Variants in PPP2R5E observed in about 807,000 individuals in gnomAD.
PPP2R5E encodes the protein serine/threonine-protein phosphatase 2A 56 kDa regulatory subunit epsilon isoform.
PPP2R5E carries 4 observed loss-of-function variants against 65.3 expected under a neutral mutation model. The ratio of observed to expected loss-of-function variants is 0.06; its 90% confidence interval spans 0.03 to 0.14. PPP2R5E has a LOEUF of 0.14. Ranked by LOEUF, PPP2R5E falls within the 10% of genes least tolerant of loss-of-function variation. The probability of loss-of-function intolerance (pLI) is 1.00; values close to 1 mark genes in which losing one functional copy is unlikely to be tolerated. For missense variants in PPP2R5E, 274 were observed against 556.1 expected, an observed-to-expected ratio of 0.49 and a Z score of 5.10; for synonymous variants, 183 against 187.4, an observed-to-expected ratio of 0.98 and a Z score of 0.19.
intron 2 of PPP2R5E, among the ~76,000 whole-genome samples, chr14:63,486,439 T>C (rs1462920733): frequency 6.6e-6 from 1 of 152,208 alleles, no homozygotes; most frequent in Non-Finnish European, 1.5e-5. Context: ...CACTCTTTTC[T>C]GGTATAAGTT....
chr14:63,435,273 TA>T (rs11393934), intron 3 of PPP2R5E, among the ~76,000 whole-genome samples: 1 of 150,698 alleles, frequency 6.6e-6, no homozygotes, highest in African/African-American at 2.4e-5. Flanking sequence ...AAAGTCATAT[TA>T]AAAAAAAAGC....
At chr14:63,528,999 T>C (rs995315844) in intron 2 of PPP2R5E, among the ~76,000 whole-genome samples, 4 of 152,118 alleles carry the variant, frequency 2.6e-5, no homozygotes, top group African/African-American at 4.8e-5. Flanking sequence ...AACAGAGTAA[T>C]AGAAACTTCA....
At position 63,539,637 on chromosome 14, in the gene PPP2R5E, A is replaced by T; in HGVS notation, c.49T>A (p.Phe17Ile). ...TPPSVDKVDG[F>I]SRKSVRKARQ... The stretch of plus-strand genomic sequence containing the variant: ...GCTTTTCTGACGGACTTCCGAGAAA[A>T]TCCGTCTACTTTATCCACTGATGGA... Residue 17 changes from phenylalanine (F) to isoleucine (I), a missense_variant, in exon 2 of 14, where the codon TTT (phenylalanine) becomes ATT (isoleucine). Transcript: ENST00000337537. 6.2e-7 allele frequency: 1 copy of T among 1,614,076 alleles called. No individual in the cohort carries two copies. Among genetic ancestry groups the T allele is most frequent in the South Asian group, 1.1e-5 (1 of 91,074 alleles).
intron 1 of PPP2R5E, among the ~76,000 whole-genome samples, chr14:63,541,598 G>A (rs372191325): frequency 6.6e-5 from 10 of 152,308 alleles, no homozygotes; most frequent in African/African-American, 2.2e-4. Flanking sequence ...GCATATGGGG[G>A]AAATGCTGAA....
At chr14:63,513,272 CA>C (rs1291754309) in intron 2 of PPP2R5E, among the ~76,000 whole-genome samples, 4 of 152,104 alleles carry the variant, frequency 2.6e-5, no homozygotes, top group Non-Finnish European at 4.4e-5. Context: ...CTGGTGTATT[CA>C]AAATACACAC....
At chr14:63,436,346 C>A (rs1039158852) in intron 3 of PPP2R5E, among the ~76,000 whole-genome samples, 1 of 152,180 alleles carries the variant, frequency 6.6e-6, no homozygotes, top group Non-Finnish European at 1.5e-5. Flanking sequence ...TTTGAGGCTC[C>A]TGATGTGTGT....
intron 2 of PPP2R5E, among the ~76,000 whole-genome samples, chr14:63,515,571 C>T (rs2139708273): frequency 6.6e-6 from 1 of 152,062 alleles, no homozygotes; most frequent in African/African-American, 2.4e-5. Flanking sequence ...CACTCTGTAG[C>T]CCAGACTGGT....
intron 13 of PPP2R5E, among the ~76,000 whole-genome samples, chr14:63,378,698 C>T (rs117441343): frequency 0.013 from 2,016 of 152,330 alleles, 20 homozygotes; most frequent in Non-Finnish European, 0.021. Context: ...CTTAACCACA[C>T]TGTCATGCAG....
At chr14:63,402,402 T>G (rs1208738706) in intron 5 of PPP2R5E, among the ~76,000 whole-genome samples, 5 of 152,184 alleles carry the variant, frequency 3.3e-5, no homozygotes, top group Non-Finnish European at 5.9e-5. Flanking sequence ...TAGACTAACA[T>G]GTAATTATGA....
chr14:63,448,464 A>G (rs1404340934), intron 3 of PPP2R5E, among the ~76,000 whole-genome samples: 2 of 152,040 alleles, frequency 1.3e-5, no homozygotes, highest in Non-Finnish European at 2.9e-5. Flanking sequence ...AAAAAATGGT[A>G]CCAACAGTTT....
intron 13 of PPP2R5E, among the ~76,000 whole-genome samples, chr14:63,381,629 T>A (rs1438791720): frequency 6.6e-6 from 1 of 152,192 alleles, no homozygotes; most frequent in Admixed American, 6.5e-5. Flanking sequence ...AAAATGAATA[T>A]ATAAATACAG....
intron 3 of PPP2R5E, among the ~76,000 whole-genome samples, chr14:63,435,693 T>C (rs1308921632): frequency 1.3e-5 from 2 of 152,240 alleles, no homozygotes; most frequent in Non-Finnish European, 2.9e-5. Flanking sequence ...TCCACCTTAC[T>C]GCCCACAAAT....
chr14:63,411,658 TAA>T (rs766263301), intron 5 of PPP2R5E, among the ~76,000 whole-genome samples: 20 of 93,100 alleles, frequency 2.1e-4, no homozygotes, highest in African/African-American at 2.6e-4. Context: ...TGTGGTTGTT[TAA>T]AAAAAAAAAA....
chr14:63,377,428 T>C (rs573725848), intron 13 of PPP2R5E, among the ~76,000 whole-genome samples: 11 of 152,238 alleles, frequency 7.2e-5, no homozygotes, highest in South Asian at 2.1e-4. Flanking sequence ...TCTAGAGCAA[T>C]AGAGATTAAT....
chr14:63,497,484 G>T (rs1891626866), intron 2 of PPP2R5E, among the ~76,000 whole-genome samples: 1 of 152,080 alleles, frequency 6.6e-6, no homozygotes, highest in South Asian at 2.1e-4. Flanking sequence ...CAGGTGCAGT[G>T]GCTCCCCCCT....
chr14:63,416,335 T>C (rs1886681417), intron 4 of PPP2R5E, among the ~76,000 whole-genome samples: 2 of 152,202 alleles, frequency 1.3e-5, no homozygotes, highest in South Asian at 4.1e-4. Flanking sequence ...CCATGAATAC[T>C]GGGTTGAATG....
intron 2 of PPP2R5E, among the ~76,000 whole-genome samples, chr14:63,520,129 G>A (rs1433567524): frequency 2.0e-5 from 3 of 152,170 alleles, no homozygotes; most frequent in African/African-American, 2.4e-5. Flanking sequence ...TCCGCCTCCC[G>A]GGTTCACGCC....
At chr14:63,424,516 C>T (rs1217013768) in intron 3 of PPP2R5E, among the ~76,000 whole-genome samples, 1 of 152,154 alleles carries the variant, frequency 6.6e-6, no homozygotes, top group Non-Finnish European at 1.5e-5. Context: ...CTTTGAGAGG[C>T]CGAGGCGGGC....
intron 2 of PPP2R5E, among the ~76,000 whole-genome samples, chr14:63,521,929 T>C (rs1892921402): frequency 6.7e-6 from 1 of 149,656 alleles, no homozygotes; most frequent in African/African-American, 2.5e-5. Flanking sequence ...GTTACAAAGG[T>C]TACACGCTGC....
Sources: gnomAD v4.1 joint callset for allele counts (sites outside exome capture counted in the v4.1 genomes callset) on GRCh38, gnomAD v4.1.1 for gene constraint, MANE v1.5 for transcripts, NCBI Gene and HGNC (gene_info 2026-07-23, HGNC 2026-07-21) for gene names.